Variants in TBL1XR1 observed in about 807,000 individuals in gnomAD.
TBL1XR1 encodes TBL1X/Y related 1, also known as F-box-like/WD repeat-containing protein TBL1XR1.
Under a neutral mutation model 66.9 loss-of-function variants are expected in TBL1XR1, and 5 were observed. The ratio of observed to expected loss-of-function variants is 0.07; its 90% CI spans 0.04 to 0.16. TBL1XR1 has a LOEUF of 0.16. Among genes scored for constraint, TBL1XR1 ranks in the 10% least tolerant of loss-of-function variants. The probability of loss-of-function intolerance (pLI) is 1.00; values close to 1 mark genes in which losing one functional copy is unlikely to be tolerated. For synonymous variants in TBL1XR1, 210 were observed against 206.0 expected, an observed-to-expected ratio of 1.02 and a Z score of -0.17; for missense variants, 238 against 623.2, an observed-to-expected ratio of 0.38 and a Z score of 6.58.
At chr3:177,044,330 G>A (rs1387453234) in intron 10 of TBL1XR1, among the ~76,000 whole-genome samples, 1 of 152,132 alleles carries the variant, frequency 6.6e-6, no homozygotes, top group South Asian at 2.1e-4. Context: ...CATAGCTTTT[G>A]ACTCCCCAAA....
chr3:177,125,196 G>A (rs1257254021), intron 1 of TBL1XR1, among the ~76,000 whole-genome samples: 1 of 152,046 alleles, frequency 6.6e-6, no homozygotes, highest in Non-Finnish European at 1.5e-5. Context: ...TTTGCATCCA[G>A]AATATATGAA....
chr3:177,165,358 T>C (rs912714896), intron 1 of TBL1XR1, among the ~76,000 whole-genome samples: 1 of 152,152 alleles, frequency 6.6e-6, no homozygotes, highest in Non-Finnish European at 1.5e-5. Context: ...ACTAAATAAA[T>C]GGAGAAATAC....
intron 2 of TBL1XR1, among the ~76,000 whole-genome samples, chr3:177,096,327 T>C (rs80111452): frequency 4.6e-5 from 5 of 108,194 alleles, no homozygotes; most frequent in African/African-American, 6.8e-5. Flanking sequence ...CACACTAACA[T>C]ACATACATAC....
intron 1 of TBL1XR1, among the ~76,000 whole-genome samples, chr3:177,158,599 A>C (rs1731804312): frequency 6.6e-6 from 1 of 152,144 alleles, no homozygotes. Flanking sequence ...CCTAAATTTC[A>C]TATTATATAT....
chr3:177,031,335 T>C (rs940022378), intron 14 of TBL1XR1, among the ~76,000 whole-genome samples: 4 of 151,572 alleles, frequency 2.6e-5, no homozygotes, highest in Non-Finnish European at 4.4e-5. Context: ...TTTTACTTAA[T>C]TTTTATTTTT....
chr3:177,108,378 T>C (rs1484720328), intron 1 of TBL1XR1, among the ~76,000 whole-genome samples: 2 of 152,124 alleles, frequency 1.3e-5, no homozygotes, highest in Admixed American at 6.5e-5. Flanking sequence ...TAAAAGACAG[T>C]GGGGGTAAGA....
chr3:177,161,751 T>A lies in TBL1XR1; in HGVS notation c.-122+35370A>T, dbSNP rs142281312. Among the ~76,000 whole-genome samples, 43 of 146,926 alleles carry A rather than the reference T, an allele frequency of 2.9e-4. No individual in the cohort carries two copies. The East Asian group carries it at 8.0e-3, about 27-fold the overall frequency. ...GTGAGCCAAGATCATGCCACTGAAC[T>A]CCAGCTTGGGTGACAGAGTGAGACT... On this transcript the variant is annotated intron_variant, in intron 1 of 15. Coordinates refer to ENST00000457928, the MANE Select transcript of TBL1XR1 (RefSeq NM_024665.7).
At chr3:177,054,265 A>G (rs548559738) in intron 3 of TBL1XR1, among the ~76,000 whole-genome samples, 74 of 151,340 alleles carry the variant, frequency 4.9e-4, no homozygotes, top group Non-Finnish European at 8.4e-4. Flanking sequence ...AAATCATATA[A>G]TTAAATTGCT....
chr3:177,085,364 G>A (rs1721990344), intron 2 of TBL1XR1, among the ~76,000 whole-genome samples: 1 of 152,150 alleles, frequency 6.6e-6, no homozygotes, highest in Non-Finnish European at 1.5e-5. Context: ...ACTGCCCATG[G>A]GTGCCACAGA....
chr3:177,194,943 G>A (rs1157380289), intron 1 of TBL1XR1, among the ~76,000 whole-genome samples: 1 of 136,166 alleles, frequency 7.3e-6, no homozygotes. Flanking sequence ...ACCCAAAGCT[G>A]GTATACGTTA....
intron 1 of TBL1XR1, among the ~76,000 whole-genome samples, chr3:177,100,049 G>A (rs1486656205): frequency 3.3e-5 from 5 of 152,162 alleles, no homozygotes; most frequent in African/African-American, 1.2e-4. Context: ...ACCAGCCTGG[G>A]CAGCATGGTG....
chr3:177,175,064 CTCA>C (rs925026765), intron 1 of TBL1XR1, among the ~76,000 whole-genome samples: 4 of 152,200 alleles, frequency 2.6e-5, no homozygotes, highest in African/African-American at 9.6e-5. Flanking sequence ...CTGCCTTCTT[CTCA>C]TGTCTTATTT....
chr3:177,100,446 C>T (rs1400653647), intron 1 of TBL1XR1, among the ~76,000 whole-genome samples: 5 of 150,320 alleles, frequency 3.3e-5, no homozygotes, highest in East Asian at 2.0e-4. Flanking sequence ...TTTTTTGAGA[C>T]GGAGTCTCAC....
chr3:177,127,847 G>A lies in TBL1XR1; in HGVS notation c.-121-29306C>T, dbSNP rs1577247232. On this transcript the variant is annotated intron_variant, in intron 1 of 15. Coordinates refer to ENST00000457928, the MANE Select transcript of TBL1XR1 (RefSeq NM_024665.7). Reference sequence around the variant, plus strand: ...ACTGAACAAGGTGATCTTAATCAGTGTGAATTGTTCCATTACTTTAAAAAC... The same window carrying A: ...ACTGAACAAGGTGATCTTAATCAGTATGAATTGTTCCATTACTTTAAAAAC... Among the ~76,000 whole-genome samples the A allele has an allele frequency of 2.0e-5, 3 of 152,298 alleles. No homozygotes were observed. In the East Asian group the frequency reaches 5.8e-4, roughly 29 times the overall value.
At chr3:177,111,547 AT>A (rs1725565004) in intron 1 of TBL1XR1, among the ~76,000 whole-genome samples, 1 of 152,028 alleles carries the variant, frequency 6.6e-6, no homozygotes, top group Non-Finnish European at 1.5e-5. Context: ...TTATTTGCCC[AT>A]CTAGGCCACC....
intron 1 of TBL1XR1, among the ~76,000 whole-genome samples, chr3:177,191,770 A>G (rs1428299440): frequency 6.6e-6 from 1 of 152,242 alleles, no homozygotes; most frequent in Admixed American, 6.5e-5. Flanking sequence ...GGCAGACCCT[A>G]GGTTCTGCTG....
chr3:177,072,931 G>A (rs898161062), intron 2 of TBL1XR1, among the ~76,000 whole-genome samples: 1 of 152,156 alleles, frequency 6.6e-6, no homozygotes, highest in Non-Finnish European at 1.5e-5. Flanking sequence ...AGGTGTGGTG[G>A]CATGCACCTG....
intron 1 of TBL1XR1, among the ~76,000 whole-genome samples, chr3:177,100,481 T>G (rs534192406): frequency 2.5e-4 from 38 of 152,080 alleles, no homozygotes; most frequent in Non-Finnish European, 5.3e-4. Flanking sequence ...TGAAGTGCCA[T>G]GGCACAATCT....
chr3:177,046,952 G>A (rs1015287262), intron 9 of TBL1XR1, among the ~76,000 whole-genome samples: 25 of 152,072 alleles, frequency 1.6e-4, no homozygotes, highest in African/African-American at 5.3e-4. Flanking sequence ...CCAGGAGTTC[G>A]GCTAACAGAC....
Sources: gnomAD v4.1 joint callset for allele counts (sites outside exome capture counted in the v4.1 genomes callset) on GRCh38, gnomAD v4.1.1 for gene constraint, MANE v1.5 for transcripts, NCBI Gene and HGNC (gene_info 2026-07-23, HGNC 2026-07-21) for gene names.